The following UMAD1 variants were observed in gnomAD, a reference collection of about 807,000 sequenced individuals.
UMAD1 encodes the protein UBAP1-MVB12-associated (UMA)-domain containing protein 1.
UMAD1 carries 8 observed loss-of-function variants against 6.1 expected under a neutral mutation model. The ratio of observed to expected loss-of-function variants is 1.30; its 90% confidence interval spans 0.76 to 2.35. The LOEUF is 2.35. UMAD1 is among the 30% of genes most tolerant of loss of function. The pLI is 0.00. For synonymous variants in UMAD1, 56 were observed against 31.4 expected (o/e 1.78, Z -2.61); for missense variants, 130 against 78.4 (o/e 1.66, Z -2.49).
chr7:7,759,981 G>A (rs142685268), intron 2 of UMAD1, among the ~76,000 whole-genome samples: 3 of 152,142 alleles, frequency 2.0e-5, no homozygotes, highest in African/African-American at 4.8e-5. Flanking sequence ...GAATCTAGAC[G>A]AGCTGATGAC....
At chr7:7,677,963 G>A (rs1202105157) in intron 2 of UMAD1, among the ~76,000 whole-genome samples, 4 of 151,992 alleles carry the variant, frequency 2.6e-5, no homozygotes, top group Middle Eastern at 3.4e-3. Context: ...GTGAGCCACC[G>A]CGCCCGGCCT....
chr7:7,786,539 A>G (rs899870415), intron 2 of UMAD1, among the ~76,000 whole-genome samples: 9 of 152,182 alleles, frequency 5.9e-5, no homozygotes, highest in Non-Finnish European at 1.0e-4. Context: ...CTGATGGTTT[A>G]CAGAAGAGTA....
chr7:7,657,789 A>G (rs1246901400), intron 1 of UMAD1, among the ~76,000 whole-genome samples: 1 of 152,190 alleles, frequency 6.6e-6, no homozygotes, highest in Non-Finnish European at 1.5e-5. Context: ...TATCTTGGCT[A>G]TGTGGGCTCT....
intron 2 of UMAD1, among the ~76,000 whole-genome samples, chr7:7,757,059 A>G (rs1369289778): frequency 1.3e-5 from 2 of 152,230 alleles, no homozygotes; most frequent in African/African-American, 2.4e-5. Flanking sequence ...TTTCTTTGAG[A>G]CATGAGTTAC....
chr7:7,760,821 A>G (rs921182171), intron 2 of UMAD1, among the ~76,000 whole-genome samples: 33 of 152,200 alleles, frequency 2.2e-4, no homozygotes, highest in African/African-American at 7.2e-4. Context: ...GAGATTGAAG[A>G]AAATAACAGT....
chr7:7,848,888 C>T (rs17138582), intron 3 of UMAD1, among the ~76,000 whole-genome samples: 64,195 of 151,820 alleles, frequency 0.42, 14,185 homozygotes, highest in African/African-American at 0.48. Flanking sequence ...TCTCAATTTG[C>T]AAGGATAACA....
chr7:7,681,276 T>A (rs1363439110), intron 2 of UMAD1, among the ~76,000 whole-genome samples: 7 of 152,184 alleles, frequency 4.6e-5, no homozygotes. Flanking sequence ...CAAGCATTTC[T>A]GCTTAACACA....
chr7:7,643,333 C>G (rs891913530), intron 1 of UMAD1, among the ~76,000 whole-genome samples: 1 of 152,222 alleles, frequency 6.6e-6, no homozygotes, highest in Admixed American at 6.5e-5. Flanking sequence ...CCTAAAAACA[C>G]TTCCCAAGGC....
chr7:7,831,777 T>C (rs1213313504), intron 3 of UMAD1, among the ~76,000 whole-genome samples: 1 of 152,182 alleles, frequency 6.6e-6, no homozygotes, highest in Non-Finnish European at 1.5e-5. Flanking sequence ...GTTTTCAGGA[T>C]CACGATGAAA....
At chr7:7,667,716 G>A (rs1779502928) in intron 1 of UMAD1, among the ~76,000 whole-genome samples, 2 of 152,136 alleles carry the variant, frequency 1.3e-5, no homozygotes, top group Admixed American at 1.3e-4. Context: ...AGACAGAAAT[G>A]GAATTAATCA....
intron 2 of UMAD1, among the ~76,000 whole-genome samples, chr7:7,716,626 C>G (rs1394703543): frequency 6.6e-6 from 1 of 152,214 alleles, no homozygotes; most frequent in Non-Finnish European, 1.5e-5. Flanking sequence ...AGGTAGCAAA[C>G]CCATCTGCCT....
chr7:7,865,135 C>T (rs963207171), intron 3 of UMAD1, among the ~76,000 whole-genome samples: 1 of 152,166 alleles, frequency 6.6e-6, no homozygotes, highest in Non-Finnish European at 1.5e-5. Context: ...GTTTTGTAAG[C>T]TGCTCTAGCA....
At chr7:7,825,969 T>C (rs1239532736) in intron 3 of UMAD1, among the ~76,000 whole-genome samples, 1 of 152,196 alleles carries the variant, frequency 6.6e-6, no homozygotes, top group African/African-American at 2.4e-5. Context: ...ATCTTTAGAT[T>C]ACTTGTAAAA....
intron 2 of UMAD1, among the ~76,000 whole-genome samples, chr7:7,749,160 C>T (rs1781631294): frequency 6.6e-6 from 1 of 152,180 alleles, no homozygotes; most frequent in Non-Finnish European, 1.5e-5. Flanking sequence ...GATTCCATAA[C>T]AAATTCAATT....
chr7:7,852,892 G>C (rs1783944324), intron 3 of UMAD1, among the ~76,000 whole-genome samples: 1 of 152,158 alleles, frequency 6.6e-6, no homozygotes, highest in African/African-American at 2.4e-5. Flanking sequence ...AGCAAGACCT[G>C]TTTGTTCACA....
intron 2 of UMAD1, among the ~76,000 whole-genome samples, chr7:7,747,448 C>T (rs1430384376): frequency 3.3e-5 from 5 of 152,172 alleles, no homozygotes; most frequent in African/African-American, 9.7e-5. Flanking sequence ...AAAACCAAGA[C>T]TCAAAGATAT....
chr7:7,855,700 G>T (rs1337060217), intron 3 of UMAD1, among the ~76,000 whole-genome samples: 1 of 152,202 alleles, frequency 6.6e-6, no homozygotes, highest in African/African-American at 2.4e-5. Flanking sequence ...TCATTGTTGG[G>T]TATTTGCATT....
intron 2 of UMAD1, among the ~76,000 whole-genome samples, chr7:7,675,171 C>T (rs1779708818): frequency 6.6e-6 from 1 of 152,178 alleles, no homozygotes; most frequent in Middle Eastern, 3.2e-3. Context: ...AGCCTCTTTT[C>T]TGTTGTCTTT....
intron 1 of UMAD1, among the ~76,000 whole-genome samples, chr7:7,663,508 G>A (rs150155238): frequency 3.3e-5 from 5 of 152,140 alleles, no homozygotes; most frequent in South Asian, 4.1e-4. Flanking sequence ...TAGGTGGGAC[G>A]GAAAAACAGG....
Sources: gnomAD v4.1 joint callset for allele counts (sites outside exome capture counted in the v4.1 genomes callset) on GRCh38, gnomAD v4.1.1 for gene constraint, MANE v1.5 for transcripts, NCBI Gene and HGNC (gene_info 2026-07-23, HGNC 2026-07-21) for gene names.